The following PRIM2 variants were observed in gnomAD, a reference collection of about 807,000 sequenced individuals.
PRIM2 encodes DNA primase subunit 2.
In PRIM2, 39 loss-of-function variants were observed where a neutral mutation model predicts 67.3. That is an observed-to-expected ratio of 0.58 (90% CI 0.45 to 0.76). The LOEUF (loss-of-function observed/expected upper bound fraction) is 0.76. Ranked by LOEUF, PRIM2 falls within the 30% of genes least tolerant of loss-of-function variation. PRIM2 has a pLI of 0.00. For synonymous variants in PRIM2, 143 were observed against 198.7 expected, an observed-to-expected ratio of 0.72 and a Z score of 2.36; for missense variants, 398 against 598.7, an observed-to-expected ratio of 0.66 and a Z score of 3.50.
At position 57,599,197 on chromosome 6, in the gene PRIM2, C is replaced by T. The variant is rs1776419706; in HGVS notation, c.1021-1896C>T. Among the ~76,000 whole-genome samples the T allele has an allele frequency of 3.0e-5, 2 of 66,182 alleles. 1 individual carries two copies. Among genetic ancestry groups the T allele is most frequent in the East Asian group, 8.7e-4 (2 of 2,312 alleles). The allele number at this position is 66,182 out of a possible 152,430, so 43.4% of individuals were successfully genotyped here. A position where few individuals can be genotyped will look rare whatever the true frequency, so the allele number is the denominator to read the frequency against. ...TCCTGACCTCGTGATCCGCCCGCCT[C>T]GGCCTCCCAAAGTGCTGGGATTACA... is the stretch of plus-strand genomic sequence containing the variant. On this transcript the variant is annotated intron_variant, in intron 10 of 13. Transcript: ENST00000615550.
intron 13 of PRIM2, among the ~76,000 whole-genome samples, chr6:57,641,363 G>A (rs1336233330): frequency 1.5e-4 from 23 of 152,062 alleles, no homozygotes; most frequent in African/African-American, 5.3e-4. Flanking sequence ...CAAAAGCAAC[G>A]GCAACAAAAG....
intron 12 of PRIM2, among the ~76,000 whole-genome samples, chr6:57,618,381 C>G (rs1182762652): frequency 1.3e-5 from 2 of 152,332 alleles, no homozygotes; most frequent in African/African-American, 4.8e-5. Flanking sequence ...GACAGAGCAG[C>G]ATGTGGAGGC....
intron 7 of PRIM2, among the ~76,000 whole-genome samples, chr6:57,460,615 T>G (rs1772973212): frequency 6.8e-6 from 1 of 147,900 alleles, no homozygotes; most frequent in African/African-American, 2.6e-5. Flanking sequence ...TCATCCTGAT[T>G]TAAAAAAAAA....
At chr6:57,221,805 A>T in the PRIM2 span, 21 of 152,380 alleles carry the variant, frequency 1.4e-4, no homozygotes, top group African/African-American at 3.4e-4. Context: ...GTGCTCAGGG[A>T]GGGGAGAGCC....
chr6:57,253,072 A>T, the PRIM2 span, among the ~76,000 whole-genome samples: 1 of 152,218 alleles, frequency 6.6e-6, no homozygotes, highest in Non-Finnish European at 1.5e-5. Context: ...CCAAGAACAA[A>T]GCTGAAGTTT....
chr6:57,339,883 G>C (rs993300605), intron 5 of PRIM2, among the ~76,000 whole-genome samples: 3 of 151,178 alleles, frequency 2.0e-5, no homozygotes, highest in Non-Finnish European at 3.0e-5. Flanking sequence ...AAGAGCTTCT[G>C]CACAGCAAAA....
chr6:57,364,141 T>C (rs1769279783), intron 5 of PRIM2, among the ~76,000 whole-genome samples: 1 of 152,166 alleles, frequency 6.6e-6, no homozygotes, highest in African/African-American at 2.4e-5. Flanking sequence ...ATTTTAATAT[T>C]TGCTTTTCTT....
chr6:57,262,902 C>G, the PRIM2 span, among the ~76,000 whole-genome samples: 1 of 152,198 alleles, frequency 6.6e-6, no homozygotes. Context: ...AACCCCCAAA[C>G]CCATCTTCCT....
intron 7 of PRIM2, among the ~76,000 whole-genome samples, chr6:57,412,871 T>C (rs111568065): frequency 0.054 from 8,199 of 152,198 alleles, 321 homozygotes; most frequent in Non-Finnish European, 0.082. Flanking sequence ...AAAGTAGTTT[T>C]AGTTTGTATT....
At chr6:57,526,268 T>C (rs1342896886) in intron 8 of PRIM2, among the ~76,000 whole-genome samples, 2 of 152,180 alleles carry the variant, frequency 1.3e-5, no homozygotes, top group African/African-American at 4.8e-5. Flanking sequence ...TTCTATAACT[T>C]GAGAAAACTG....
At chr6:57,280,304 T>C in the PRIM2 span, among the ~76,000 whole-genome samples, 1 of 152,230 alleles carries the variant, frequency 6.6e-6, no homozygotes, top group Non-Finnish European at 1.5e-5. Context: ...TCTTTTTATA[T>C]GTTTGTGGTC....
intron 9 of PRIM2, among the ~76,000 whole-genome samples, chr6:57,534,052 TCCC>T (rs1774947186): frequency 6.6e-6 from 1 of 152,218 alleles, no homozygotes; most frequent in Non-Finnish European, 1.5e-5. Flanking sequence ...CATTTGCATA[TCCC>T]TTGGTATTTG....
chr6:57,502,428 G>A (rs1484124065), intron 7 of PRIM2, among the ~76,000 whole-genome samples: 1 of 152,184 alleles, frequency 6.6e-6, no homozygotes, highest in Non-Finnish European at 1.5e-5. Context: ...AGGATGCGCA[G>A]TGAGGGTTTT....
chr6:57,481,934 G>A (rs1445493632), intron 7 of PRIM2, among the ~76,000 whole-genome samples: 2 of 152,126 alleles, frequency 1.3e-5, no homozygotes, highest in East Asian at 3.8e-4. Context: ...GCTTACATGA[G>A]GAGAGAAATA....
intron 12 of PRIM2, among the ~76,000 whole-genome samples, chr6:57,618,153 C>T (rs1280094352): frequency 0.73 from 110,342 of 152,026 alleles, 40,630 homozygotes; most frequent in African/African-American, 0.86. Context: ...TTGTACTGAG[C>T]TTTGAAATCA....
At chr6:57,641,085 C>T (rs1777224934) in intron 13 of PRIM2, among the ~76,000 whole-genome samples, 1 of 151,904 alleles carries the variant, frequency 6.6e-6, no homozygotes, top group African/African-American at 2.4e-5. Flanking sequence ...AATAATGCCA[C>T]AGATCTACAA....
At chr6:57,288,062 T>G in the PRIM2 span, among the ~76,000 whole-genome samples, 3 of 152,142 alleles carry the variant, frequency 2.0e-5, no homozygotes, top group Non-Finnish European at 4.4e-5. Context: ...ATTGGTACAC[T>G]CCTGCTCAAA....
At chr6:57,505,182 A>G (rs1372109064) in intron 7 of PRIM2, 2 of 152,234 alleles carry the variant, frequency 1.3e-5, no homozygotes, top group South Asian at 2.1e-4. Flanking sequence ...GAAGAGATGC[A>G]TGCTCTTTTT....
chr6:57,461,786 A>T (rs1373261053), intron 7 of PRIM2, among the ~76,000 whole-genome samples: 1 of 152,212 alleles, frequency 6.6e-6, no homozygotes, highest in Non-Finnish European at 1.5e-5. Context: ...AATAATAGTG[A>T]TCAAAGAATA....
Sources: gnomAD v4.1 joint callset for allele counts (sites outside exome capture counted in the v4.1 genomes callset) on GRCh38, gnomAD v4.1.1 for gene constraint, MANE v1.5 for transcripts, NCBI Gene and HGNC (gene_info 2026-07-23, HGNC 2026-07-21) for gene names.